CADM2: variants seen among roughly 807,000 people sequenced by gnomAD.
CADM2 encodes cell adhesion molecule 2.
Under a neutral mutation model 49.8 loss-of-function variants are expected in CADM2, and 12 were observed. The observed-to-expected ratio is 0.24, with a 90% CI of 0.15 to 0.39. The LOEUF (loss-of-function observed/expected upper bound fraction) is 0.39, where lower values mean the gene tolerates loss of function less well. Among genes scored for constraint, CADM2 ranks in the 10% least tolerant of loss-of-function variants. CADM2 has a pLI of 1.00. For synonymous variants in CADM2, 214 were observed against 175.4 expected (o/e 1.22, Z -1.74); for missense variants, 378 against 492.3 (o/e 0.77, Z 2.20).
chr3:85,727,689 T>C (rs531131900), intron 2 of CADM2, among the ~76,000 whole-genome samples: 2 of 152,208 alleles, frequency 1.3e-5, no homozygotes, highest in African/African-American at 4.8e-5. Flanking sequence ...AATTACAAAC[T>C]ATACACACTG....
intron 3 of CADM2, among the ~76,000 whole-genome samples, chr3:85,823,118 GT>G (rs1037188632): frequency 2.6e-5 from 4 of 152,048 alleles, no homozygotes; most frequent in East Asian, 1.9e-4. Flanking sequence ...ATAAATAAAA[GT>G]TTTTTGTTGT....
chr3:85,248,828 A>C (rs2042711132), intron 1 of CADM2, among the ~76,000 whole-genome samples: 1 of 152,158 alleles, frequency 6.6e-6, no homozygotes, highest in Non-Finnish European at 1.5e-5. Flanking sequence ...TGACTCAATA[A>C]ATACATCAGA....
intron 1 of CADM2, among the ~76,000 whole-genome samples, chr3:85,438,847 T>G (rs904724708): frequency 2.6e-5 from 4 of 151,828 alleles, no homozygotes; most frequent in Admixed American, 1.3e-4. Context: ...TAATATTTAT[T>G]TATTTATTAT....
chr3:85,655,635 G>C (rs1048775962), intron 1 of CADM2, among the ~76,000 whole-genome samples: 10 of 152,174 alleles, frequency 6.6e-5, no homozygotes, highest in Admixed American at 3.3e-4. Context: ...TGTACAGATG[G>C]GGAATTTGAA....
chr3:85,361,805 G>C (rs2032379312), intron 1 of CADM2, among the ~76,000 whole-genome samples: 1 of 152,194 alleles, frequency 6.6e-6, no homozygotes, highest in Non-Finnish European at 1.5e-5. Context: ...CTGGATGTAA[G>C]TGGAACAAAG....
intron 1 of CADM2, among the ~76,000 whole-genome samples, chr3:85,584,459 A>C (rs531538121): frequency 6.6e-6 from 1 of 152,192 alleles, no homozygotes; most frequent in African/African-American, 2.4e-5. Flanking sequence ...TCGAAGACTT[A>C]ACTACTTGGT....
At chr3:85,981,059 T>C (rs1170940502) in intron 8 of CADM2, among the ~76,000 whole-genome samples, 1 of 151,462 alleles carries the variant, frequency 6.6e-6, no homozygotes, top group Admixed American at 6.6e-5. Flanking sequence ...TTAATCTTTA[T>C]TGAAAAGTAC....
At chr3:85,829,904 T>C (rs1162387166) in intron 3 of CADM2, among the ~76,000 whole-genome samples, 1 of 151,994 alleles carries the variant, frequency 6.6e-6, no homozygotes, top group African/African-American at 2.4e-5. Context: ...CTTTTCTTTA[T>C]CCATTTATCC....
At chr3:84,999,316 C>T (rs2033336483) in intron 1 of CADM2, among the ~76,000 whole-genome samples, 1 of 152,024 alleles carries the variant, frequency 6.6e-6, no homozygotes, top group Admixed American at 6.6e-5. Flanking sequence ...CAATATATAA[C>T]CTTTTTGTAT....
chr3:85,050,298 A>C lies in CADM2; in HGVS notation c.61+90630A>C, dbSNP rs190746657. On this transcript the variant is annotated intron_variant, in intron 1 of 9. Transcript: ENST00000383699. Reference sequence around the variant, plus strand: ...GGTCAATATACTGAAGTACACCTGTACCCCACATGCAGAACACTTGTTGCA... The same window carrying C: ...GGTCAATATACTGAAGTACACCTGTCCCCCACATGCAGAACACTTGTTGCA... Among the ~76,000 whole-genome samples, 367 of 152,158 alleles carry C rather than the reference A, an allele frequency of 2.4e-3. 4 individuals are homozygous for C. The highest frequency in any genetic ancestry group is 8.4e-3 in the African/African-American group (350 of 41,534).
At chr3:85,572,362 T>C (rs2062504613) in intron 1 of CADM2, among the ~76,000 whole-genome samples, 1 of 152,122 alleles carries the variant, frequency 6.6e-6, no homozygotes, top group Admixed American at 6.5e-5. Context: ...ATATGAGGCA[T>C]AAAAGTTTGT....
intron 1 of CADM2, among the ~76,000 whole-genome samples, chr3:85,109,262 G>A (rs962774797): frequency 6.6e-5 from 10 of 152,006 alleles, no homozygotes; most frequent in African/African-American, 2.4e-4. Flanking sequence ...TCTTGCTAAC[G>A]AGGGTGTCCA....
chr3:85,624,839 G>C (rs1381769978), intron 1 of CADM2, among the ~76,000 whole-genome samples: 1 of 151,922 alleles, frequency 6.6e-6, no homozygotes, highest in Non-Finnish European at 1.5e-5. Flanking sequence ...TATTTAGTAG[G>C]TGTATATATT....
intron 1 of CADM2, among the ~76,000 whole-genome samples, chr3:85,392,525 C>A (rs564348173): frequency 6.6e-6 from 1 of 152,122 alleles, no homozygotes; most frequent in Non-Finnish European, 1.5e-5. Flanking sequence ...CCATCTAAGT[C>A]TTTTCTTCTT....
chr3:85,459,385 C>T (rs1489855948), intron 1 of CADM2, among the ~76,000 whole-genome samples: 1 of 152,134 alleles, frequency 6.6e-6, no homozygotes, highest in African/African-American at 2.4e-5. Flanking sequence ...CAGGCTCTAC[C>T]CGAATAAGAG....
intron 3 of CADM2, among the ~76,000 whole-genome samples, chr3:85,805,152 C>G (rs2072327382): frequency 6.6e-6 from 1 of 152,000 alleles, no homozygotes; most frequent in African/African-American, 2.4e-5. Context: ...CCATGTTATC[C>G]AGGCTAGGCT....
At chr3:85,568,409 T>TTTTCTTTCTTTCTCTCTC (rs1559915608) in intron 1 of CADM2, among the ~76,000 whole-genome samples, 6 of 32,312 alleles carry the variant, frequency 1.9e-4, no homozygotes, top group East Asian at 2.2e-3. Flanking sequence ...CTTTCTTTCT[T>TTTTCTTTCTTTCTCTCTC]TCTTTCTTTC....
chr3:85,222,491 C>A (rs531691118), intron 1 of CADM2, among the ~76,000 whole-genome samples: 1 of 152,280 alleles, frequency 6.6e-6, no homozygotes, highest in South Asian at 2.1e-4. Context: ...GTTTCCTTCA[C>A]TCAGGATCAG....
chr3:85,326,081 C>G (rs547276770), intron 1 of CADM2, among the ~76,000 whole-genome samples: 1 of 152,270 alleles, frequency 6.6e-6, no homozygotes, highest in East Asian at 1.9e-4. Context: ...TTAACATACT[C>G]TGCCTCCCTA....
Sources: gnomAD v4.1 joint callset for allele counts (sites outside exome capture counted in the v4.1 genomes callset) on GRCh38, gnomAD v4.1.1 for gene constraint, MANE v1.5 for transcripts, NCBI Gene and HGNC (gene_info 2026-07-23, HGNC 2026-07-21) for gene names.